Variants in ZNF804B observed in about 807,000 individuals in gnomAD.
ZNF804B encodes zinc finger 804B.
ZNF804B carries 80 observed loss-of-function variants against 101.4 expected under a neutral mutation model. The ratio of observed to expected loss-of-function variants is 0.79; its 90% CI spans 0.66 to 0.95. The LOEUF is 0.95. ZNF804B is among the 40% of genes least tolerant of loss of function. The probability of loss-of-function intolerance (pLI) is 0.00; values close to 1 mark genes in which losing one functional copy is unlikely to be tolerated. For synonymous variants in ZNF804B, 622 were observed against 558.8 expected, an observed-to-expected ratio of 1.11 and a Z score of -1.59; for missense variants, 1,673 against 1,561.9, an observed-to-expected ratio of 1.07 and a Z score of -1.20.
At chr7:88,911,003 A>C (rs553741761) in intron 1 of ZNF804B, among the ~76,000 whole-genome samples, 1 of 152,128 alleles carries the variant, frequency 6.6e-6, no homozygotes, top group South Asian at 2.1e-4. Context: ...TGTATTAGGA[A>C]ATAAGAGGGT....
At chr7:89,282,957 C>T (rs1001058878) in intron 2 of ZNF804B, among the ~76,000 whole-genome samples, 1 of 152,090 alleles carries the variant, frequency 6.6e-6, no homozygotes, top group African/African-American at 2.4e-5. Context: ...GAATAAATTT[C>T]TGTTGTTTTA....
At chr7:89,237,961 GTTAAGAAAATAA>G (rs1333631534) in intron 2 of ZNF804B, among the ~76,000 whole-genome samples, 1 of 152,134 alleles carries the variant, frequency 6.6e-6, no homozygotes, top group Non-Finnish European at 1.5e-5. Context: ...CAAATGACAA[GTTAAGAAAATAA>G]TTGCCCCTCT....
At chr7:89,224,865 T>C (rs1375535839) in intron 2 of ZNF804B, among the ~76,000 whole-genome samples, 1 of 151,946 alleles carries the variant, frequency 6.6e-6, no homozygotes, top group South Asian at 2.1e-4. Flanking sequence ...TGCTCCTATT[T>C]AACTCTCCCA....
chr7:89,020,619 GTT>G (rs1378058736), intron 1 of ZNF804B, among the ~76,000 whole-genome samples: 1 of 152,094 alleles, frequency 6.6e-6, no homozygotes, highest in Non-Finnish European at 1.5e-5. Flanking sequence ...AGACTTGGAA[GTT>G]TTCAGCTATT....
intron 1 of ZNF804B, among the ~76,000 whole-genome samples, chr7:88,833,521 A>C (rs1000601711): frequency 2.0e-5 from 3 of 148,360 alleles, no homozygotes; most frequent in African/African-American, 7.4e-5. Flanking sequence ...CTTGGCCCTC[A>C]ATAAATTTTA....
intron 3 of ZNF804B, among the ~76,000 whole-genome samples, chr7:89,329,264 A>T (rs888015152): frequency 2.1e-4 from 32 of 151,254 alleles, no homozygotes; most frequent in African/African-American, 7.0e-4. Context: ...TAGGAAAATA[A>T]TTTTTTTTTA....
At chr7:89,332,905 C>T (rs773814481) in intron 3 of ZNF804B, among the ~76,000 whole-genome samples, 2 of 151,586 alleles carry the variant, frequency 1.3e-5, no homozygotes, top group Non-Finnish European at 2.9e-5. Context: ...ACCCAAGGAG[C>T]TAAACATTAT....
intron 1 of ZNF804B, among the ~76,000 whole-genome samples, chr7:88,830,664 A>G (rs1791119371): frequency 6.6e-6 from 1 of 151,938 alleles, no homozygotes; most frequent in Non-Finnish European, 1.5e-5. Flanking sequence ...GAAATAGGAA[A>G]CTGACATTGG....
intron 1 of ZNF804B, among the ~76,000 whole-genome samples, chr7:88,822,529 A>G (rs777030001): frequency 1.3e-5 from 2 of 152,196 alleles, no homozygotes; most frequent in Non-Finnish European, 2.9e-5. Flanking sequence ...GAACTTTAGC[A>G]TAAGAACAAT....
At chr7:88,897,162 G>A (rs1050434228) in intron 1 of ZNF804B, among the ~76,000 whole-genome samples, 1 of 152,146 alleles carries the variant, frequency 6.6e-6, no homozygotes, top group South Asian at 2.1e-4. Flanking sequence ...ACCTTACGTA[G>A]CATAAGGAAC....
intron 2 of ZNF804B, among the ~76,000 whole-genome samples, chr7:89,258,856 A>C (rs1789672563): frequency 6.6e-6 from 1 of 152,196 alleles, no homozygotes; most frequent in South Asian, 2.1e-4. Context: ...CATCTTCCTC[A>C]TCTTCACATT....
intron 1 of ZNF804B, among the ~76,000 whole-genome samples, chr7:88,934,634 A>C (rs1050320646): frequency 6.6e-6 from 1 of 152,040 alleles, no homozygotes; most frequent in Non-Finnish European, 1.5e-5. Flanking sequence ...AACATAAGAA[A>C]AAACATGCTA....
chr7:88,853,240 C>A (rs570125319), intron 1 of ZNF804B, among the ~76,000 whole-genome samples: 1 of 152,230 alleles, frequency 6.6e-6, no homozygotes, highest in East Asian at 1.9e-4. Flanking sequence ...TATTCTGGGA[C>A]AAGCTTAAGT....
intron 1 of ZNF804B, among the ~76,000 whole-genome samples, chr7:89,161,691 T>G (rs1791067144): frequency 1.7e-5 from 2 of 116,890 alleles, no homozygotes; most frequent in South Asian, 5.9e-4. Context: ...CACCTGGCCT[T>G]AATAGGCAAG....
chr7:89,158,878 C>A (rs1791016809), intron 1 of ZNF804B, among the ~76,000 whole-genome samples: 1 of 152,038 alleles, frequency 6.6e-6, no homozygotes, highest in Non-Finnish European at 1.5e-5. Flanking sequence ...TAAGATCCCC[C>A]CAAAAATTGA....
intron 1 of ZNF804B, among the ~76,000 whole-genome samples, chr7:88,800,143 G>A (rs1790556032): frequency 6.6e-6 from 1 of 151,936 alleles, no homozygotes; most frequent in South Asian, 2.1e-4. Context: ...TACAACTTGG[G>A]TACAGCCTTT....
intron 2 of ZNF804B, among the ~76,000 whole-genome samples, chr7:89,302,705 T>A (rs1219880416): frequency 2.0e-5 from 3 of 151,938 alleles, no homozygotes; most frequent in African/African-American, 4.8e-5. Context: ...TAGTCTTCCA[T>A]GAAATTATCT....
chr7:88,943,110 A>G (rs1336269378), intron 1 of ZNF804B, among the ~76,000 whole-genome samples: 1 of 151,946 alleles, frequency 6.6e-6, no homozygotes, highest in Non-Finnish European at 1.5e-5. Context: ...AATTAAAAAG[A>G]GGAAAATCTT....
rs1791022941 is a variant in ZNF804B at position 89,333,716 on chromosome 7, C to T, written c.734C>T (p.Thr245Ile). The change falls in exon 4 of 4, where the codon ACC becomes ATC. Residue 245 changes from threonine (T) to isoleucine (I), a missense_variant. Thr to Ile is a moderately conservative substitution (Grantham distance 89). Coordinates refer to ENST00000333190, the MANE Select transcript of ZNF804B (RefSeq NM_181646.5). ...GTTTTCAGTGAGAACACAGAAGAAACCCATGATTGTAACAAGTCACCCATT... is the reference window on the plus strand; with the variant it reads ...GTTTTCAGTGAGAACACAGAAGAAATCCATGATTGTAACAAGTCACCCATT... Reference protein sequence around the residue: ...ASVFSENTEETHDCNKSPIYK... With the variant: ...ASVFSENTEEIHDCNKSPIYK... 1 of 1,613,482 alleles carries T rather than the reference C, an allele frequency of 6.2e-7. No homozygotes were observed. The highest frequency in any genetic ancestry group is 8.5e-7 in the Non-Finnish European group (1 of 1,179,722).
Sources: allele counts gnomAD v4.1 joint callset (sites outside exome capture counted in the v4.1 genomes callset), GRCh38; gene constraint gnomAD v4.1.1; transcripts MANE v1.5; gene names NCBI Gene and HGNC (gene_info 2026-07-23, HGNC 2026-07-21).